Variants in LOC400499 observed in about 807,000 individuals in gnomAD.
chr16:11,384,355 C>T, the LOC400499 span: 38 of 1,182,510 alleles, frequency 3.2e-5, no homozygotes, highest in Middle Eastern at 3.2e-4. Context: ...GGAGGCCGGC[C>T]GTAAGACCCT....
chr16:11,430,201 T>C, the LOC400499 span, among the ~76,000 whole-genome samples: 1 of 152,074 alleles, frequency 6.6e-6, no homozygotes, highest in Non-Finnish European at 1.5e-5. Context: ...AAAATGTAAA[T>C]ATCTGCCAGG....
the LOC400499 span, among the ~76,000 whole-genome samples, chr16:11,393,924 C>T: frequency 5.1e-4 from 77 of 152,318 alleles, no homozygotes; most frequent in African/African-American, 1.8e-3. Context: ...ACCAAAAATA[C>T]AAAACTTAGC....
chr16:11,434,746 C>G, the LOC400499 span, among the ~76,000 whole-genome samples: 1 of 152,152 alleles, frequency 6.6e-6, no homozygotes, highest in African/African-American at 2.4e-5. Flanking sequence ...TTAGGACAAC[C>G]CTAAGAAGCA....
chr16:11,411,140 G>A, the LOC400499 span: 1 of 398,336 alleles, frequency 2.5e-6, no homozygotes, highest in Non-Finnish European at 4.4e-6. Context: ...GCAGGCTGGT[G>A]AACAGATGTG....
At chr16:11,437,219 G>A in the LOC400499 span, among the ~76,000 whole-genome samples, 2 of 152,212 alleles carry the variant, frequency 1.3e-5, no homozygotes, top group Non-Finnish European at 2.9e-5. Flanking sequence ...AAACTGTTAT[G>A]AATGATGCCG....
At chr16:11,527,075 G>C in the LOC400499 span, among the ~76,000 whole-genome samples, 1 of 152,226 alleles carries the variant, frequency 6.6e-6, no homozygotes, top group Non-Finnish European at 1.5e-5. Context: ...CTTCGCTCCA[G>C]ACAGGACCAG....
the LOC400499 span, among the ~76,000 whole-genome samples, chr16:11,479,322 G>C: frequency 6.6e-6 from 1 of 152,146 alleles, no homozygotes; most frequent in Non-Finnish European, 1.5e-5. Flanking sequence ...TTACGGAAAA[G>C]TTGAAAACTG....
the LOC400499 span, among the ~76,000 whole-genome samples, chr16:11,516,586 C>G: frequency 6.6e-6 from 1 of 152,230 alleles, no homozygotes; most frequent in Non-Finnish European, 1.5e-5. Context: ...ACCCCAAGAG[C>G]TGCCTGCATT....
At chr16:11,426,761 T>G in the LOC400499 span, among the ~76,000 whole-genome samples, 1 of 149,238 alleles carries the variant, frequency 6.7e-6, no homozygotes, top group African/African-American at 2.5e-5. Flanking sequence ...AGACCCCACC[T>G]CTAAAAAAAA....
the LOC400499 span, among the ~76,000 whole-genome samples, chr16:11,492,960 T>C: frequency 1.3e-5 from 2 of 152,032 alleles, no homozygotes; most frequent in African/African-American, 4.8e-5. Flanking sequence ...AAGAAAGGCC[T>C]GGGGACATCT....
At chr16:11,494,488 C>CCCCCCA in the LOC400499 span, 1 of 348,852 alleles carries the variant, frequency 2.9e-6, no homozygotes, top group Non-Finnish European at 5.1e-6. Context: ...GAACCCACCC[C>CCCCCCA]CACCCTCTCC....
chr16:11,403,561 G>A, the LOC400499 span, among the ~76,000 whole-genome samples: 43 of 152,306 alleles, frequency 2.8e-4, no homozygotes, highest in African/African-American at 1.0e-3. Context: ...TGCCTTCCAG[G>A]GCACACATGT....
chr16:11,422,288 C>T, the LOC400499 span, among the ~76,000 whole-genome samples: 1 of 152,066 alleles, frequency 6.6e-6, no homozygotes, highest in Non-Finnish European at 1.5e-5. Flanking sequence ...TGTAATCCCA[C>T]CTACCTGGTG....
At chr16:11,467,892 A>G in the LOC400499 span, among the ~76,000 whole-genome samples, 2 of 152,224 alleles carry the variant, frequency 1.3e-5, no homozygotes, top group African/African-American at 2.4e-5. Context: ...AGCTAAGCTG[A>G]GGTGATGAGG....
chr16:11,373,940 T>A, the LOC400499 span, among the ~76,000 whole-genome samples: 1 of 152,172 alleles, frequency 6.6e-6, no homozygotes, highest in South Asian at 2.1e-4. Flanking sequence ...CTTCTAGCCC[T>A]CATCTGGTAA....
chr16:11,384,344 C>G, the LOC400499 span: 3 of 1,215,816 alleles, frequency 2.5e-6, no homozygotes, highest in South Asian at 4.2e-5. Context: ...AAGAGGGAAG[C>G]GGAGGCCGGC....
the LOC400499 span, among the ~76,000 whole-genome samples, chr16:11,378,632 T>C: frequency 6.6e-6 from 1 of 152,238 alleles, no homozygotes; most frequent in African/African-American, 2.4e-5. Context: ...CTGCATCCCA[T>C]AAGATTTCAT....
At chr16:11,380,225 C>T in the LOC400499 span, among the ~76,000 whole-genome samples, 1 of 150,870 alleles carries the variant, frequency 6.6e-6, no homozygotes, top group African/African-American at 2.5e-5. Flanking sequence ...TATGTGGCCT[C>T]AAACTTCCAC....
the LOC400499 span, among the ~76,000 whole-genome samples, chr16:11,502,749 G>A: frequency 4.6e-5 from 7 of 151,586 alleles, no homozygotes; most frequent in African/African-American, 1.5e-4. Flanking sequence ...TGAGTAGCTG[G>A]GATTACAGGC....
Sources: allele counts gnomAD v4.1 joint callset (sites outside exome capture counted in the v4.1 genomes callset), GRCh38; gene constraint gnomAD v4.1.1; transcripts MANE v1.5.